Variants in DMD observed in about 807,000 individuals in gnomAD.
DMD encodes mutant dystrophin.
A neutral mutation model predicts 330.1 loss-of-function variants in DMD; 63 were observed. The observed-to-expected ratio is 0.19, with a 90% confidence interval of 0.16 to 0.24. DMD has a LOEUF of 0.24. Among genes scored for constraint, DMD ranks in the 10% least tolerant of loss-of-function variants. The probability of loss-of-function intolerance (pLI) is 1.00; values close to 1 mark genes in which losing one functional copy is unlikely to be tolerated. For missense variants in DMD, 3,344 were observed against 2,684.1 expected, an observed-to-expected ratio of 1.25 and a Z score of -5.43; for synonymous variants, 1,223 against 959.8, an observed-to-expected ratio of 1.27 and a Z score of -5.07.
chrX:33,077,648 T>C (rs2094865724), intron 1 of DMD, among the ~76,000 whole-genome samples: 1 of 111,749 alleles, frequency 8.9e-6, no homozygotes, highest in South Asian at 3.8e-4. Flanking sequence ...TACTCTCATC[T>C]ATAGTTTTAC....
At chrX:32,386,191 TAGAGAG>T (rs1158132373) in intron 33 of DMD, 113 bp downstream of exon 33, 1 of 731,444 alleles carries the variant, frequency 1.4e-6, no homozygotes, top group African/African-American at 2.1e-5. Flanking sequence ...TACATATACA[TAGAGAG>T]AGAGAGGTGT....
At chrX:31,771,229 C>G (rs2090320405) in intron 51 of DMD, among the ~76,000 whole-genome samples, 1 of 110,299 alleles carries the variant, frequency 9.1e-6, no homozygotes, top group Admixed American at 9.8e-5. Context: ...ATTTTACCGA[C>G]AATTTGGTGA....
At chrX:32,435,809 A>G (rs2098259030) in intron 29 of DMD, among the ~76,000 whole-genome samples, 1 of 111,245 alleles carries the variant, frequency 9.0e-6, no homozygotes, top group Non-Finnish European at 1.9e-5. Flanking sequence ...TTTCAGCAAC[A>G]CTATGGGTCG....
intron 1 of DMD, among the ~76,000 whole-genome samples, chrX:33,044,803 G>A (rs1471510666): frequency 8.9e-6 from 1 of 111,815 alleles, no homozygotes; most frequent in Non-Finnish European, 1.9e-5. Context: ...CTTCTCGTAA[G>A]GAAAATTCTG....
chrX:33,171,059 A>G (rs2049315233), intron 1 of DMD, among the ~76,000 whole-genome samples: 1 of 111,792 alleles, frequency 8.9e-6, no homozygotes, highest in African/African-American at 3.2e-5. Context: ...ATATAACACA[A>G]TATTTGTTGC....
At chrX:32,511,726 G>A (rs749367047) in intron 18 of DMD, among the ~76,000 whole-genome samples, 2 of 109,932 alleles carry the variant, frequency 1.8e-5, no homozygotes, top group South Asian at 3.9e-4. Context: ...TTTTCTGTAT[G>A]TGTGTTTTTC....
At chrX:32,952,234 A>G (rs1742381460) in intron 2 of DMD, among the ~76,000 whole-genome samples, 1 of 110,055 alleles carries the variant, frequency 9.1e-6, no homozygotes, top group Non-Finnish European at 1.9e-5. Context: ...CCTGGGTTCA[A>G]GCGATTCTCC....
chrX:31,928,542 G>C (rs1982146926), intron 47 of DMD, among the ~76,000 whole-genome samples: 2 of 109,934 alleles, frequency 1.8e-5, no homozygotes, highest in Non-Finnish European at 3.8e-5. Context: ...GGAGGCGGAA[G>C]TTGCAGTGAG....
chrX:31,470,486 C>A (rs1316804132), intron 59 of DMD, among the ~76,000 whole-genome samples: 1 of 112,048 alleles, frequency 8.9e-6, no homozygotes. Flanking sequence ...AGCTGCAGAA[C>A]AGCAAAGATT....
chrX:32,216,139 A>G (rs1408139411), intron 44 of DMD, among the ~76,000 whole-genome samples: 1 of 111,950 alleles, frequency 8.9e-6, no homozygotes, highest in Admixed American at 9.5e-5. Context: ...TACAATTCAA[A>G]TCCACTTGAT....
At chrX:32,599,146 A>G (rs2055899134) in intron 12 of DMD, among the ~76,000 whole-genome samples, 1 of 112,298 alleles carries the variant, frequency 8.9e-6, no homozygotes, top group African/African-American at 3.2e-5. Context: ...AACAGTAAGC[A>G]CGTCTCCTAT....
intron 64 of DMD, among the ~76,000 whole-genome samples, chrX:31,211,227 G>A (rs965729430): frequency 8.0e-5 from 9 of 112,263 alleles, no homozygotes; most frequent in Non-Finnish European, 1.1e-4. Flanking sequence ...AGAAGACTGC[G>A]TGGGAGGCTG....
intron 29 of DMD, among the ~76,000 whole-genome samples, chrX:32,412,470 T>C (rs1222769048): frequency 6.2e-5 from 7 of 112,383 alleles, no homozygotes; most frequent in Admixed American, 3.8e-4. Flanking sequence ...CCTACTTTCT[T>C]TCACAATTTG....
intron 1 of DMD, among the ~76,000 whole-genome samples, chrX:33,323,108 G>T (rs1025687604): frequency 9.0e-6 from 1 of 111,681 alleles, no homozygotes; most frequent in Non-Finnish European, 1.9e-5. Context: ...TAAAACAAAG[G>T]TATTATTTAA....
At chrX:32,203,550 C>A (rs973782516) in intron 44 of DMD, among the ~76,000 whole-genome samples, 2 of 112,114 alleles carry the variant, frequency 1.8e-5, no homozygotes, top group Non-Finnish European at 3.8e-5. Context: ...TGAGGGTATT[C>A]TGAAAGGGAG....
intron 7 of DMD, among the ~76,000 whole-genome samples, chrX:32,715,469 CAAAAAAAAA>C (rs61325834): frequency 2.3e-4 from 4 of 17,224 alleles, no homozygotes; most frequent in South Asian, 5.3e-3. Context: ...GAGATTCCAT[CAAAAAAAAA>C]AAAAAAAAAA....
intron 17 of DMD, among the ~76,000 whole-genome samples, chrX:32,529,950 G>C (rs1022837466): frequency 3.1e-4 from 34 of 110,777 alleles, no homozygotes; most frequent in Admixed American, 2.5e-3. Context: ...TTTTATATGT[G>C]TAATTTTAAG....
rs148292382 is a variant in DMD at position 31,579,938 on chromosome X, T to C, written c.8217+47735A>G. Among the ~76,000 whole-genome samples, 86 of 112,214 alleles carry C rather than the reference T, an allele frequency of 7.7e-4. 2 individuals are homozygous for C. The highest frequency in any genetic ancestry group is 2.7e-3 in the African/African-American group (85 of 30,957). ...AGAGGACAATCTATTTCCCTGCCTT[T>C]TCCAGCATTAGATGCTACCAACATT... is the stretch of plus-strand genomic sequence containing the variant. On this transcript the variant is annotated intron_variant, in intron 55 of 78. Transcript: ENST00000357033.
intron 25 of DMD, among the ~76,000 whole-genome samples, chrX:32,462,525 A>T (rs1184751026): frequency 9.0e-6 from 1 of 111,025 alleles, no homozygotes; most frequent in African/African-American, 3.3e-5. Flanking sequence ...TGAATATTTA[A>T]ATATAAGAGA....
Sources: gnomAD v4.1 joint callset for allele counts (sites outside exome capture counted in the v4.1 genomes callset) on GRCh38, gnomAD v4.1.1 for gene constraint, MANE v1.5 for transcripts, NCBI Gene and HGNC (gene_info 2026-07-23, HGNC 2026-07-21) for gene names.